Variants in DLGAP1 observed in about 807,000 individuals in gnomAD.
The protein encoded by DLGAP1 is DLG associated protein 1, also known as disks large-associated protein 1.
DLGAP1 carries 11 observed loss-of-function variants against 90.8 expected under a neutral mutation model. The ratio of observed to expected loss-of-function variants is 0.12; its 90% CI spans 0.08 to 0.20. The LOEUF (loss-of-function observed/expected upper bound fraction) is 0.20, where lower values mean the gene tolerates loss of function less well. Ranked by LOEUF, DLGAP1 falls within the 10% of genes least tolerant of loss-of-function variation. The probability of loss-of-function intolerance (pLI) is 1.00; values close to 1 mark genes in which losing one functional copy is unlikely to be tolerated. For synonymous variants in DLGAP1, 558 were observed against 540.7 expected, an observed-to-expected ratio of 1.03 and a Z score of -0.44; for missense variants, 1,050 against 1,333.8, an observed-to-expected ratio of 0.79 and a Z score of 3.31.
intron 7 of DLGAP1, chr18:3,656,266 A>G (rs2059479553): frequency 1.6e-6 from 1 of 610,614 alleles, no homozygotes; most frequent in African/African-American, 1.9e-5. Flanking sequence ...CAAAAATAAA[A>G]TAATTTTTAG....
At chr18:4,442,099 C>T (rs2083549911) in intron 1 of DLGAP1, among the ~76,000 whole-genome samples, 1 of 152,216 alleles carries the variant, frequency 6.6e-6, no homozygotes, top group South Asian at 2.1e-4. Flanking sequence ...TCAAGCAATT[C>T]TTCTGCCTCA....
Position 4,342,879 on chromosome 18 carries a change from A to G in DLGAP1, c.-267+112127T>C, listed in dbSNP as rs2081222989. 6.6e-6 allele frequency among the ~76,000 whole-genome samples: 1 copy of G among 152,246 alleles called. No individual in the cohort carries two copies. Among genetic ancestry groups the G allele is most frequent in the African/African-American group, 2.4e-5 (1 of 41,466 alleles). Reference sequence around the variant, plus strand: ...AACATTATTAACAACCCTAGTAAATAGCTTTGCATAAACAATATCAGATCT... The same window carrying G: ...AACATTATTAACAACCCTAGTAAATGGCTTTGCATAAACAATATCAGATCT... On this transcript the variant is annotated intron_variant, in intron 1 of 12. Transcript: ENST00000315677. The surrounding 1 kb of genome is among the most constrained non-coding windows in gnomAD (Gnocchi z 5.8).
At chr18:3,837,666 T>G (rs1018630235) in intron 4 of DLGAP1, among the ~76,000 whole-genome samples, 1 of 151,682 alleles carries the variant, frequency 6.6e-6, no homozygotes, top group South Asian at 2.1e-4. Context: ...CTGGGCAACA[T>G]GGTGAAACCC....
At chr18:4,434,062 CCTT>C (rs779134008) in intron 1 of DLGAP1, among the ~76,000 whole-genome samples, 36 of 152,170 alleles carry the variant, frequency 2.4e-4, no homozygotes, top group Admixed American at 3.9e-4. Flanking sequence ...ATAAACTTCT[CCTT>C]CAAAAGCCAA....
chr18:4,439,423 C>T (rs918564030), intron 1 of DLGAP1, among the ~76,000 whole-genome samples: 3 of 152,130 alleles, frequency 2.0e-5, no homozygotes, highest in Admixed American at 2.0e-4. Flanking sequence ...ATTCTTTAGA[C>T]AAATATTTAT....
chr18:3,842,010 C>G lies in DLGAP1; in HGVS notation c.958-27737G>C, dbSNP rs566067291. Among the ~76,000 whole-genome samples, 23 of 150,936 alleles carry G rather than the reference C, an allele frequency of 1.5e-4. No homozygotes were observed. In the South Asian group the frequency reaches 4.6e-3, roughly 30 times the overall value. ...GAGCATATTGGGAGAGGATACCTCA[C>G]TTAAACTTGGCCAGTCAGAGAAGGC... On this transcript the variant is annotated intron_variant, in intron 4 of 12. Transcript: ENST00000315677.
At chr18:3,568,213 T>C (rs142622953) in intron 8 of DLGAP1, among the ~76,000 whole-genome samples, 50 of 152,266 alleles carry the variant, frequency 3.3e-4, no homozygotes, top group African/African-American at 1.2e-3. Flanking sequence ...AGTTTTGAAT[T>C]TGAAGATAAC....
intron 1 of DLGAP1, among the ~76,000 whole-genome samples, chr18:4,243,760 T>C (rs117396591): frequency 0.019 from 2,852 of 152,288 alleles, 36 homozygotes; most frequent in Non-Finnish European, 0.027. Flanking sequence ...ATAAGGAAAG[T>C]GGGATGTTTC....
chr18:3,664,228 A>G (rs1342954366), intron 7 of DLGAP1, among the ~76,000 whole-genome samples: 1 of 150,226 alleles, frequency 6.7e-6, no homozygotes, highest in South Asian at 2.1e-4. Context: ...CCACACACAC[A>G]CACACACACG....
At chr18:4,268,004 G>T (rs2079169153) in intron 1 of DLGAP1, among the ~76,000 whole-genome samples, 1 of 152,182 alleles carries the variant, frequency 6.6e-6, no homozygotes, top group Admixed American at 6.5e-5. Flanking sequence ...TTCCGGACAA[G>T]ATCACACAAA....
At chr18:4,299,085 CAAAAA>C (rs35327176) in intron 1 of DLGAP1, among the ~76,000 whole-genome samples, 1 of 76,336 alleles carries the variant, frequency 1.3e-5, no homozygotes, top group Non-Finnish European at 2.7e-5. Flanking sequence ...TGTCTCAAGA[CAAAAA>C]AAAAAAAAAA....
intron 3 of DLGAP1, among the ~76,000 whole-genome samples, chr18:3,996,504 T>C (rs2074073822): frequency 6.6e-6 from 1 of 152,084 alleles, no homozygotes; most frequent in African/African-American, 2.4e-5. Flanking sequence ...AAATATAGCA[T>C]TTTAATTGCA....
In DLGAP1 at chr18:3,653,236, A is replaced by G. The variant is rs1303487292; in HGVS notation, c.1592-70988T>C. 2.0e-5 allele frequency among the ~76,000 whole-genome samples: 3 copies of G among 152,086 alleles called. No homozygotes were observed. The highest frequency in any genetic ancestry group is 4.4e-5 in the Non-Finnish European group (3 of 68,018). The stretch of plus-strand genomic sequence containing the variant: ...TGTGAGTGGTTTTTCCTTCCCTGCC[A>G]TTGGTGCGACTGTTTCCCCCTTCCG... On this transcript the variant is annotated intron_variant, in intron 7 of 12. Coordinates refer to ENST00000315677, the MANE Select transcript of DLGAP1 (RefSeq NM_004746.4). The surrounding 1 kb of genome is among the most constrained non-coding windows in gnomAD (Gnocchi z 4.6).
chr18:3,618,592 CTTCTTTGACCTT>C (rs965977521), intron 7 of DLGAP1, among the ~76,000 whole-genome samples: 2 of 31,280 alleles, frequency 6.4e-5, no homozygotes, highest in Admixed American at 3.5e-4. Flanking sequence ...CTTTTGGAGG[CTTCTTTGACCTT>C]TTCTGCCTTT....
intron 3 of DLGAP1, among the ~76,000 whole-genome samples, chr18:3,971,934 C>CA (rs764696689): frequency 9.9e-5 from 15 of 152,106 alleles, no homozygotes; most frequent in Non-Finnish European, 1.9e-4. Flanking sequence ...CTGTAAAGTG[C>CA]TGGTCCAGTT....
At chr18:4,134,768 A>G (rs1244387759) in intron 2 of DLGAP1, among the ~76,000 whole-genome samples, 1 of 152,132 alleles carries the variant, frequency 6.6e-6, no homozygotes, top group Non-Finnish European at 1.5e-5. Flanking sequence ...TTATTAGGAA[A>G]GCTGCCTTGC....
intron 1 of DLGAP1, among the ~76,000 whole-genome samples, chr18:4,346,841 A>G (rs1470505276): frequency 6.6e-6 from 1 of 152,188 alleles, no homozygotes; most frequent in Non-Finnish European, 1.5e-5. Flanking sequence ...TGCATATAGG[A>G]GGAAATAATA....
chr18:3,759,524 TG>T (rs576967668), intron 5 of DLGAP1, among the ~76,000 whole-genome samples: 71 of 152,338 alleles, frequency 4.7e-4, no homozygotes, highest in African/African-American at 1.6e-3. Flanking sequence ...TAGACTCTTG[TG>T]GCACTTGGAA....
chr18:4,230,975 G>A (rs1481333676), intron 1 of DLGAP1, among the ~76,000 whole-genome samples: 1 of 151,874 alleles, frequency 6.6e-6, no homozygotes, highest in Non-Finnish European at 1.5e-5. Context: ...GCAGCGCTGT[G>A]GTAGCTGTCC....
Sources: allele counts gnomAD v4.1 joint callset (sites outside exome capture counted in the v4.1 genomes callset), GRCh38; gene constraint gnomAD v4.1.1; non-coding constraint Gnocchi (gnomAD v3.1); transcripts MANE v1.5; gene names NCBI Gene and HGNC (gene_info 2026-07-23, HGNC 2026-07-21).